Variants in SLC2A14 observed in about 807,000 individuals in gnomAD.
SLC2A14 encodes solute carrier family 2, facilitated glucose transporter member 14.
Under a neutral mutation model 43.0 loss-of-function variants are expected in SLC2A14, and 13 were observed. The observed-to-expected ratio is 0.30, with a 90% CI of 0.20 to 0.48. SLC2A14 has a LOEUF of 0.48. Ranked by LOEUF, SLC2A14 falls within the 20% of genes least tolerant of loss-of-function variation. SLC2A14 has a pLI of 0.99. For synonymous variants in SLC2A14, 190 were observed against 233.8 expected, an observed-to-expected ratio of 0.81 and a Z score of 1.71; for missense variants, 428 against 620.4, an observed-to-expected ratio of 0.69 and a Z score of 3.29.
intron 10 of SLC2A14, among the ~76,000 whole-genome samples, chr12:7,817,612 C>T (rs1863566181): frequency 6.6e-6 from 1 of 152,108 alleles, no homozygotes; most frequent in East Asian, 2.0e-4. Context: ...ACTAAACATA[C>T]AAAAATTAGC....
At chr12:7,871,221 C>A in intron 1 of SLC2A14, 1 of 1,244,960 alleles carries the variant, frequency 8.0e-7, no homozygotes, top group South Asian at 1.8e-5. Context: ...ATGAGGACCA[C>A]CTCCAGGAGC....
intron 7 of SLC2A14, among the ~76,000 whole-genome samples, chr12:7,826,830 TTTCTTTCC>T (rs1483010847): frequency 1.5e-4 from 5 of 32,558 alleles, no homozygotes; most frequent in African/African-American, 4.4e-4. Context: ...TCTTTCTTTC[TTTCTTTCC>T]TTCCTTCCTT....
intron 4 of SLC2A14, 131 bp downstream of exon 4, chr12:7,831,473 G>A (rs1259499432): frequency 4.3e-6 from 6 of 1,390,942 alleles, no homozygotes; most frequent in East Asian, 2.4e-5. Flanking sequence ...GGCCAGTTGG[G>A]CTAGTTTCCC....
In SLC2A14 at chr12:7,816,104, TTTA is replaced by T. The variant is rs1459813735; in HGVS notation, c.1276-1573_1276-1571del. 8.9e-5 allele frequency among the ~76,000 whole-genome samples: 4 copies of T among 45,176 alleles called. 1 individual carries two copies. The Admixed American group carries it at 9.0e-4, about 10-fold the overall frequency. 29.6% of individuals were successfully genotyped at this position (45,176 alleles called of 152,430 possible). Reference sequence around the variant, plus strand: ...TTTATTTTTTATTTTTTTTATTTTTTTTATTTTTTTTGAGACGGAGTCTCGCTC... The same window carrying T: ...TTTATTTTTTATTTTTTTTATTTTTTTTTTTTTTGAGACGGAGTCTCGCTC... On this transcript the variant is annotated intron_variant, in intron 10 of 10. Transcript: ENST00000431042.
chr12:7,876,520 T>C (rs1221612395), upstream of SLC2A14, among the ~76,000 whole-genome samples: 2 of 76,680 alleles, frequency 2.6e-5, no homozygotes, highest in Non-Finnish European at 5.6e-5. Context: ...GCAGCCATTA[T>C]GGAAAGCAGT....
chr12:7,854,452 G>A (rs970164108), intron 2 of SLC2A14, among the ~76,000 whole-genome samples: 3 of 152,194 alleles, frequency 2.0e-5, no homozygotes, highest in East Asian at 3.9e-4. Context: ...GTCTCCTAAT[G>A]AGTCTCACTG....
At chr12:7,890,887 C>A (rs920882428) in intron 1 of SLC2A14, 9 of 1,271,606 alleles carry the variant, frequency 7.1e-6, no homozygotes, top group African/African-American at 1.5e-5. Context: ...CCACTTAACA[C>A]ACTGTGCTGA....
intron 1 of SLC2A14, among the ~76,000 whole-genome samples, chr12:7,882,365 A>T (rs1042042746): frequency 6.6e-6 from 1 of 152,012 alleles, no homozygotes; most frequent in African/African-American, 2.4e-5. Flanking sequence ...GAACATCAGA[A>T]GGAACAAACT....
In SLC2A14 at chr12:7,829,853, G is replaced by A. The variant is rs1490196225; in HGVS notation, c.426C>T (p.Tyr142=). 1 of 1,614,058 alleles carries A rather than the reference G, an allele frequency of 6.2e-7. No individual in the cohort carries two copies. The highest frequency in any genetic ancestry group is 8.5e-7 in the Non-Finnish European group (1 of 1,180,042). Residue 142 remains tyrosine (Y), a synonymous_variant, in exon 5 of 11, where the codon TAC becomes TAT. Coordinates refer to ENST00000431042, the MANE Select transcript of SLC2A14 (RefSeq NM_001286234.2). The stretch of plus-strand genomic sequence containing the variant: ...GGGCAGTAGGCGAGATCTCTCCAAT[G>A]TACATGGGCACAAAACCTGTGCAGA... ...CGLCTGFVPM[Y]IGEISPTALR...
intron 2 of SLC2A14, among the ~76,000 whole-genome samples, chr12:7,861,072 G>T (rs1368352134): frequency 6.6e-6 from 1 of 152,092 alleles, no homozygotes; most frequent in African/African-American, 2.4e-5. Context: ...GATTACAGGC[G>T]TGAGCCACCT....
At chr12:7,832,520 G>C (rs902304450) in intron 3 of SLC2A14, among the ~76,000 whole-genome samples, 1 of 152,150 alleles carries the variant, frequency 6.6e-6, no homozygotes, top group Non-Finnish European at 1.5e-5. Flanking sequence ...CCCCTAGTTG[G>C]GGGAGGGACC....
At chr12:7,872,942 T>G (rs1945321957), upstream of SLC2A14, 1 of 985,314 alleles carries the variant, frequency 1.0e-6, no homozygotes, top group African/African-American at 1.7e-5. Flanking sequence ...GGATTCGACT[T>G]TGAATGGTCC....
chr12:7,827,346 G>A, intron 7 of SLC2A14, 149 bp downstream of exon 7: 1 of 1,054,328 alleles, frequency 9.5e-7, no homozygotes, highest in Non-Finnish European at 1.3e-6. Context: ...CGCAATCTCA[G>A]CTCACTGCAA....
chr12:7,849,106 C>T (rs992330898), intron 2 of SLC2A14, among the ~76,000 whole-genome samples: 20 of 152,098 alleles, frequency 1.3e-4, no homozygotes, highest in Admixed American at 1.1e-3. Flanking sequence ...CAGCCCACCT[C>T]CGTCTCCCAA....
intron 7 of SLC2A14, among the ~76,000 whole-genome samples, chr12:7,826,411 A>T (rs1203955253): frequency 6.6e-6 from 1 of 152,136 alleles, no homozygotes. Context: ...CTGCCACTTC[A>T]AATACAAATA....
chr12:7,830,425 G>A (rs1257380465), intron 4 of SLC2A14, among the ~76,000 whole-genome samples: 4 of 152,246 alleles, frequency 2.6e-5, no homozygotes, highest in African/African-American at 9.6e-5. Context: ...TGTTGGGATT[G>A]CAGGTGTGAG....
intron 1 of SLC2A14, among the ~76,000 whole-genome samples, chr12:7,888,342 T>TGTG (rs1945720575): frequency 6.6e-6 from 1 of 152,118 alleles, no homozygotes; most frequent in Non-Finnish European, 1.5e-5. Flanking sequence ...AAAAGCATAA[T>TGTG]CATTTTTTGA....
chr12:7,852,352 C>G (rs1316290229), intron 2 of SLC2A14, among the ~76,000 whole-genome samples: 1 of 152,020 alleles, frequency 6.6e-6, no homozygotes, highest in African/African-American at 2.4e-5. Flanking sequence ...AAAATGTAAA[C>G]TTTTCCATTT....
chr12:7,835,735 T>C (rs1012430134), intron 2 of SLC2A14, among the ~76,000 whole-genome samples: 6 of 152,184 alleles, frequency 3.9e-5, no homozygotes, highest in African/African-American at 1.2e-4. Flanking sequence ...ACAATGTAAA[T>C]GGCATTTCAA....
Sources: gnomAD v4.1 joint callset for allele counts (sites outside exome capture counted in the v4.1 genomes callset) on GRCh38, gnomAD v4.1.1 for gene constraint, MANE v1.5 for transcripts, NCBI Gene and HGNC (gene_info 2026-07-23, HGNC 2026-07-21) for gene names.